Variants in CNTN5 observed in about 807,000 individuals in gnomAD.
CNTN5 encodes the protein contactin-5.
A neutral mutation model predicts 129.1 loss-of-function variants in CNTN5; 77 were observed. The ratio of observed to expected loss-of-function variants is 0.60; its 90% CI spans 0.50 to 0.72. CNTN5 has a LOEUF of 0.72. CNTN5 is among the 30% of genes least tolerant of loss of function. The probability of loss-of-function intolerance (pLI) is 0.00; values close to 1 mark genes in which losing one functional copy is unlikely to be tolerated. For missense variants in CNTN5, 1,478 were observed against 1,328.8 expected, an observed-to-expected ratio of 1.11 and a Z score of -1.75; for synonymous variants, 509 against 465.6, an observed-to-expected ratio of 1.09 and a Z score of -1.20.
intron 7 of CNTN5, among the ~76,000 whole-genome samples, chr11:99,956,169 T>G (rs1307714323): frequency 1.3e-5 from 2 of 152,098 alleles, no homozygotes; most frequent in Non-Finnish European, 2.9e-5. Flanking sequence ...GCTTATGAAG[T>G]ACGTAATATT....
At chr11:99,050,824 G>T (rs371957407) in intron 1 of CNTN5, among the ~76,000 whole-genome samples, 3 of 151,714 alleles carry the variant, frequency 2.0e-5, no homozygotes, top group Admixed American at 1.3e-4. Flanking sequence ...ATACTTTTCC[G>T]ATTTAAGATG....
chr11:99,200,513 A>C (rs554675200), intron 1 of CNTN5, among the ~76,000 whole-genome samples: 13 of 152,326 alleles, frequency 8.5e-5, no homozygotes, highest in African/African-American at 2.9e-4. Flanking sequence ...AATAATGACA[A>C]GGAGATGTAG....
intron 3 of CNTN5, among the ~76,000 whole-genome samples, chr11:99,744,134 C>T (rs1408873960): frequency 1.3e-5 from 2 of 152,078 alleles, no homozygotes; most frequent in Non-Finnish European, 2.9e-5. Flanking sequence ...GCCATATCAC[C>T]AGAATAGTGC....
chr11:100,066,654 C>A (rs990995708), intron 10 of CNTN5, among the ~76,000 whole-genome samples: 1 of 151,946 alleles, frequency 6.6e-6, no homozygotes, highest in Non-Finnish European at 1.5e-5. Context: ...GGTGGCTTGA[C>A]AAAAGCTAGA....
chr11:99,821,564 G>T (rs930008873), intron 4 of CNTN5, among the ~76,000 whole-genome samples: 2 of 151,584 alleles, frequency 1.3e-5, no homozygotes, highest in Non-Finnish European at 2.9e-5. Flanking sequence ...TTTATTATTC[G>T]ATATAATGGC....
chr11:99,101,824 T>C (rs1473322294), intron 1 of CNTN5, among the ~76,000 whole-genome samples: 1 of 152,186 alleles, frequency 6.6e-6, no homozygotes, highest in Admixed American at 6.5e-5. Context: ...TCTACCTTTC[T>C]GGGTGCTGGA....
At chr11:99,453,649 C>T (rs1944391355) in intron 2 of CNTN5, among the ~76,000 whole-genome samples, 1 of 152,084 alleles carries the variant, frequency 6.6e-6, no homozygotes, top group South Asian at 2.1e-4. Flanking sequence ...AGCAACAAAA[C>T]CTTGAAAATT....
chr11:100,294,885 C>G (rs1951070719), intron 18 of CNTN5, among the ~76,000 whole-genome samples: 1 of 151,480 alleles, frequency 6.6e-6, no homozygotes, highest in South Asian at 2.1e-4. Context: ...GTGCCACCAA[C>G]TTGAAAAGAA....
chr11:100,294,576 T>C (rs892096737), intron 18 of CNTN5, among the ~76,000 whole-genome samples: 1 of 151,704 alleles, frequency 6.6e-6, no homozygotes, highest in African/African-American at 2.4e-5. Context: ...GCTCAAGACA[T>C]TTATCAGTAG....
At chr11:100,153,449 G>A (rs755040771) in intron 13 of CNTN5, among the ~76,000 whole-genome samples, 6 of 151,810 alleles carry the variant, frequency 4.0e-5, no homozygotes, top group East Asian at 1.9e-4. Flanking sequence ...ATAAAAAAAC[G>A]CTTATTATGT....
chr11:99,823,318 T>G (rs1409126503), intron 4 of CNTN5, among the ~76,000 whole-genome samples: 1 of 152,230 alleles, frequency 6.6e-6, no homozygotes, highest in Admixed American at 6.5e-5. Context: ...GTTTCATCTA[T>G]TTTAAGTTGC....
intron 1 of CNTN5, among the ~76,000 whole-genome samples, chr11:99,323,628 C>A (rs1865662442): frequency 6.6e-6 from 1 of 151,854 alleles, no homozygotes; most frequent in African/African-American, 2.4e-5. Context: ...GAAGTAATGG[C>A]AGTAAAAAGA....
chr11:99,992,920 G>A lies in CNTN5; in HGVS notation c.878-9114G>A, dbSNP rs533219540. Among the ~76,000 whole-genome samples, 277 of 152,272 alleles carry A rather than the reference G, an allele frequency of 1.8e-3. 2 individuals carry two copies. Among genetic ancestry groups the A allele is most frequent in the African/African-American group, 6.4e-3 (266 of 41,544 alleles). Reference sequence around the variant, plus strand: ...CACATAAGCCAGGATAGACAGGTCTGGGGAAAGAAACGGAGACACACATTG... The same window carrying A: ...CACATAAGCCAGGATAGACAGGTCTAGGGAAAGAAACGGAGACACACATTG... On this transcript the variant is annotated intron_variant, in intron 8 of 24. Coordinates refer to ENST00000524871, the MANE Select transcript of CNTN5 (RefSeq NM_014361.4).
chr11:100,016,837 T>C (rs1188208283), intron 9 of CNTN5, among the ~76,000 whole-genome samples: 1 of 151,762 alleles, frequency 6.6e-6, no homozygotes, highest in Non-Finnish European at 1.5e-5. Flanking sequence ...TAATTTACAA[T>C]GTAATGTAGC....
At chr11:100,297,791 AT>A (rs1384341308) in intron 19 of CNTN5, 96 bp downstream of exon 19, 2 of 911,778 alleles carry the variant, frequency 2.2e-6, no homozygotes, top group African/African-American at 3.3e-5. Context: ...CACTTGATTC[AT>A]TTAGAGGCTA....
chr11:99,223,705 G>A (rs74457835), intron 1 of CNTN5, among the ~76,000 whole-genome samples: 1 of 152,140 alleles, frequency 6.6e-6, no homozygotes, highest in African/African-American at 2.4e-5. Context: ...TCATTCCATT[G>A]TCTGAAAACA....
intron 3 of CNTN5, among the ~76,000 whole-genome samples, chr11:99,708,873 T>A (rs1565448024): frequency 6.6e-6 from 1 of 151,764 alleles, no homozygotes; most frequent in Non-Finnish European, 1.5e-5. Context: ...AGTTTGTCCA[T>A]CCTCTCTTTC....
At chr11:99,508,845 C>A (rs1946727206) in intron 2 of CNTN5, among the ~76,000 whole-genome samples, 1 of 151,984 alleles carries the variant, frequency 6.6e-6, no homozygotes, top group South Asian at 2.1e-4. Flanking sequence ...CAATGCCCGG[C>A]TAATTTTTTA....
chr11:99,401,639 G>C (rs1432957481), intron 2 of CNTN5, among the ~76,000 whole-genome samples: 1 of 152,072 alleles, frequency 6.6e-6, no homozygotes, highest in Non-Finnish European at 1.5e-5. Context: ...TGTTTTGGTA[G>C]GTACTGCATT....
Sources: allele counts gnomAD v4.1 joint callset (sites outside exome capture counted in the v4.1 genomes callset), GRCh38; gene constraint gnomAD v4.1.1; transcripts MANE v1.5; gene names NCBI Gene and HGNC (gene_info 2026-07-23, HGNC 2026-07-21).